Variants in PDE2A observed in about 807,000 individuals in gnomAD.
The protein encoded by PDE2A is phosphodiesterase 2A, also known as cGMP-dependent 3',5'-cyclic phosphodiesterase.
Under a neutral mutation model 133.6 loss-of-function variants are expected in PDE2A, and 53 were observed. The ratio of observed to expected loss-of-function variants is 0.40; its 90% CI spans 0.32 to 0.50. PDE2A has a LOEUF of 0.50. PDE2A is among the 20% of genes least tolerant of loss of function. The pLI is 0.73. For missense variants in PDE2A, 796 were observed against 1,232.4 expected (o/e 0.65, Z 5.30); for synonymous variants, 491 against 490.2 (o/e 1.00, Z -0.02).
At chr11:72,613,438 A>T (rs952515636) in intron 2 of PDE2A, among the ~76,000 whole-genome samples, 1 of 151,234 alleles carries the variant, frequency 6.6e-6, no homozygotes, top group Non-Finnish European at 1.5e-5. Context: ...AGGACCTCGG[A>T]GCCCTCTCAT....
Position 72,593,703 on chromosome 11 carries a change from C to CA in PDE2A, c.490-2348dup, listed in dbSNP as rs544266468. Among the ~76,000 whole-genome samples, 22 of 152,266 alleles carry CA rather than the reference C, an allele frequency of 1.4e-4. No homozygotes were observed. In the East Asian group the frequency reaches 4.1e-3, roughly 28 times the overall value. ...GGAACAGAGCCAAAGACTTTCCACACAAAAAATTTGCAATCAAGGTGCTTT... is the reference window on the plus strand; with the variant it reads ...GGAACAGAGCCAAAGACTTTCCACACAAAAAAATTTGCAATCAAGGTGCTTT... On this transcript the variant is annotated intron_variant, in intron 6 of 30. Transcript: ENST00000334456.
In PDE2A at chr11:72,578,569, T is replaced by A. The variant is rs529849064; in HGVS notation, c.2470-55A>T. On this transcript the variant is annotated intron_variant, in intron 28 of 30. Coordinates refer to ENST00000334456, the MANE Select transcript of PDE2A (RefSeq NM_002599.5). This position sits in a 1 kb window ranked among gnomAD's most constrained non-coding sequence, Gnocchi z 4.2. ...CTATGTAGGATACATCCACCCAAGC[T>A]CCTCTGACAGCCCGTTCCCAGGAGA... is the stretch of plus-strand genomic sequence containing the variant. The A allele has an allele frequency of 4.0e-5, 57 of 1,441,852 alleles. No homozygotes were observed. In the East Asian group the frequency reaches 1.1e-3, roughly 28 times the overall value. The allele number at this position is 1,441,852 out of a possible 1,614,324, so 89.3% of individuals were successfully genotyped here.
chr11:72,651,495 G>T (rs777521975), intron 1 of PDE2A, among the ~76,000 whole-genome samples: 29 of 152,172 alleles, frequency 1.9e-4, no homozygotes, highest in Non-Finnish European at 3.7e-4. Context: ...CAGGGTCTGG[G>T]GGGGTGACTC....
intron 4 of PDE2A, chr11:72,598,930 TG>T: frequency 5.1e-6 from 5 of 985,336 alleles, no homozygotes; most frequent in Non-Finnish European, 6.0e-6. Flanking sequence ...CTGTCCACAT[TG>T]CCAGTCACCC....
chr11:72,630,521 G>T (rs1365028993), intron 2 of PDE2A, among the ~76,000 whole-genome samples: 1 of 151,474 alleles, frequency 6.6e-6, no homozygotes, highest in Admixed American at 6.6e-5. Flanking sequence ...GGAGCAGTTT[G>T]GGGGAGGCAG....
At chr11:72,661,848 T>C (rs1373755364) in intron 1 of PDE2A, among the ~76,000 whole-genome samples, 3 of 152,232 alleles carry the variant, frequency 2.0e-5, no homozygotes, top group African/African-American at 7.2e-5. Flanking sequence ...TGTATACCTG[T>C]GTCATGTGCA....
intron 1 of PDE2A, among the ~76,000 whole-genome samples, chr11:72,650,876 T>TGCACAC (rs1854718766): frequency 7.7e-6 from 1 of 130,314 alleles, no homozygotes; most frequent in Non-Finnish European, 1.6e-5. Context: ...CAGTCCCCAC[T>TGCACAC]ACACACACAC....
intron 1 of PDE2A, among the ~76,000 whole-genome samples, chr11:72,647,381 G>A (rs1171353296): frequency 6.6e-6 from 1 of 152,186 alleles, no homozygotes; most frequent in East Asian, 1.9e-4. Flanking sequence ...GTGAAGCTTG[G>A]CCTGCTTCTC....
At chr11:72,656,130 G>C (rs780650705) in intron 1 of PDE2A, among the ~76,000 whole-genome samples, 5 of 152,212 alleles carry the variant, frequency 3.3e-5, no homozygotes, top group Admixed American at 6.5e-5. Context: ...ATGCTGCACA[G>C]TGGGGTGCGA....
At chr11:72,650,510 C>A (rs1343588261) in intron 1 of PDE2A, among the ~76,000 whole-genome samples, 2 of 152,152 alleles carry the variant, frequency 1.3e-5, no homozygotes, top group South Asian at 2.1e-4. Context: ...AAGACTCCCA[C>A]TATATCTCTC....
At chr11:72,669,040 T>C (rs1025617002) in intron 1 of PDE2A, 79 of 848,158 alleles carry the variant, frequency 9.3e-5, no homozygotes, top group Non-Finnish European at 1.1e-4. Flanking sequence ...TGCCAGGGGC[T>C]AAGCTCTGCA....
In PDE2A at chr11:72,674,312, GAGC is replaced by G. The variant is rs1855454273; in HGVS notation, c.-108_-106del. On this transcript the variant is annotated 5_prime_UTR_variant, in exon 1 of 31. Coordinates refer to ENST00000334456, the MANE Select transcript of PDE2A (RefSeq NM_002599.5). ...CACCCCCAGCAGGCACAGGGACCAA[GAGC>G]AGTGGGCTGCCCCCTACTCAGCCTG... 8.7e-7 allele frequency: 1 copy of G among 1,151,324 alleles called. No homozygotes were observed. Among genetic ancestry groups the G allele is most frequent in the Admixed American group, 2.1e-5 (1 of 48,214 alleles). The allele number at this position is 1,151,324 out of a possible 1,614,324, so 71.3% of individuals were successfully genotyped here. A position where few individuals can be genotyped will look rare whatever the true frequency, so the allele number is the denominator to read the frequency against.
At chr11:72,615,897 G>A (rs920055695) in intron 2 of PDE2A, among the ~76,000 whole-genome samples, 6 of 152,180 alleles carry the variant, frequency 3.9e-5, no homozygotes, top group Non-Finnish European at 7.3e-5. Context: ...TAGTCCCCAA[G>A]GGTGTGCAAG....
chr11:72,620,097 G>A (rs1333161388), intron 2 of PDE2A, among the ~76,000 whole-genome samples: 2 of 152,182 alleles, frequency 1.3e-5, no homozygotes, highest in African/African-American at 4.8e-5. Context: ...TCCTGTGCAA[G>A]GTATAGCCTG....
In PDE2A at chr11:72,585,620, G is replaced by A. The variant is rs182737057; in HGVS notation, c.1183-27C>T. The A allele has an allele frequency of 1.1e-5, 18 of 1,610,122 alleles. No homozygotes were observed. The East Asian group carries it at 3.6e-4, about 32-fold the overall frequency. On this transcript the variant is annotated intron_variant, in intron 14 of 30. Transcript: ENST00000334456. ...TGGAATGAAGGAAATGGAGATCATA[G>A]GGGGGTCGGGGTGTAGGGGTCACCC...
chr11:72,589,642 G>A (rs2135302827), intron 11 of PDE2A, 109 bp downstream of exon 11: 1 of 917,646 alleles, frequency 1.1e-6, no homozygotes, highest in Non-Finnish European at 1.8e-6. Context: ...TAATTCCATC[G>A]GATTCCAAGA....
At chr11:72,585,674 C>G (rs1247316712) in intron 14 of PDE2A, 81 bp from the exon 15 acceptor site, 2 of 1,243,806 alleles carry the variant, frequency 1.6e-6, no homozygotes, top group East Asian at 5.0e-5. Flanking sequence ...CAACAGCACC[C>G]GGGTCTTCTC....
At chr11:72,614,121 G>C (rs1336447503) in intron 2 of PDE2A, among the ~76,000 whole-genome samples, 1 of 152,332 alleles carries the variant, frequency 6.6e-6, no homozygotes, top group East Asian at 1.9e-4. Context: ...TGCAGAGTCA[G>C]AGACAAGAAA....
intron 2 of PDE2A, 114 bp downstream of exon 2, chr11:72,642,140 T>G (rs1013953246): frequency 1.5e-6 from 2 of 1,309,018 alleles, no homozygotes; most frequent in East Asian, 6.3e-5. Flanking sequence ...AGGAGTAGAA[T>G]TCAGAACTAG....
Sources: gnomAD v4.1 joint callset for allele counts (sites outside exome capture counted in the v4.1 genomes callset) on GRCh38, gnomAD v4.1.1 for gene constraint, Gnocchi (gnomAD v3.1) non-coding constraint, MANE v1.5 for transcripts, NCBI Gene and HGNC (gene_info 2026-07-23, HGNC 2026-07-21) for gene names.